Variants in FAAH2 observed in about 807,000 individuals in gnomAD.
FAAH2 encodes the protein fatty acid amide hydrolase 2, also known as fatty-acid amide hydrolase 2.
Under a neutral mutation model 36.9 loss-of-function variants are expected in FAAH2, and 60 were observed. The ratio of observed to expected loss-of-function variants is 1.63; its 90% CI spans 1.32 to 2.02. FAAH2 has a LOEUF of 2.02. Among genes scored for constraint, FAAH2 ranks in the 30% most tolerant of loss-of-function variants. The probability of loss-of-function intolerance (pLI) is 0.00; values close to 1 mark genes in which losing one functional copy is unlikely to be tolerated. For synonymous variants in FAAH2, 214 were observed against 143.8 expected (o/e 1.49, Z -3.49); for missense variants, 689 against 397.5 (o/e 1.73, Z -6.23).
chrX:57,126,038 A>G, the FAAH2 span, among the ~76,000 whole-genome samples: 6 of 112,466 alleles, frequency 5.3e-5, no homozygotes, highest in Admixed American at 9.4e-5. Flanking sequence ...AATCTCTGAA[A>G]TATGTTTAAA....
chrX:57,440,117 G>C (rs1205671038), intron 8 of FAAH2, among the ~76,000 whole-genome samples: 1 of 111,397 alleles, frequency 9.0e-6, no homozygotes, highest in Admixed American at 9.6e-5. Context: ...ACTTAGAGTA[G>C]TTTTTTCCAG....
intron 5 of FAAH2, among the ~76,000 whole-genome samples, chrX:57,349,482 TATATATACACATATATAC>T (rs901565258): frequency 3.9e-5 from 4 of 101,652 alleles, no homozygotes; most frequent in Non-Finnish European, 5.9e-5. Context: ...TATATACACA[TATATATACACATATATAC>T]ATATATACAC....
chrX:57,272,499 C>T, the FAAH2 span, among the ~76,000 whole-genome samples: 1 of 111,521 alleles, frequency 9.0e-6, no homozygotes, highest in Non-Finnish European at 1.9e-5. Context: ...TTAAGGGCAG[C>T]CAGAGAAAAA....
intron 7 of FAAH2, among the ~76,000 whole-genome samples, chrX:57,426,399 G>A (rs1602624115): frequency 1.8e-5 from 2 of 111,780 alleles, no homozygotes; most frequent in East Asian, 5.6e-4. Context: ...CTGGACGTTA[G>A]ACCAAGTAGA....
the FAAH2 span, among the ~76,000 whole-genome samples, chrX:57,280,294 T>G: frequency 2.7e-5 from 3 of 110,882 alleles, no homozygotes; most frequent in Non-Finnish European, 5.7e-5. Context: ...AAAACAGTCT[T>G]TAATAGAAGA....
intron 7 of FAAH2, among the ~76,000 whole-genome samples, chrX:57,425,276 C>T (rs1295209794): frequency 9.0e-6 from 1 of 111,603 alleles, no homozygotes; most frequent in Non-Finnish European, 1.9e-5. Flanking sequence ...ATAAAAAACA[C>T]AACAAGATTG....
At chrX:57,238,006 G>A in the FAAH2 span, among the ~76,000 whole-genome samples, 12 of 111,584 alleles carry the variant, frequency 1.1e-4, no homozygotes, top group Admixed American at 7.6e-4. Context: ...AGCAGGTATT[G>A]GCAAGGTTTT....
chrX:57,350,451 A>G (rs1402843458), intron 5 of FAAH2, among the ~76,000 whole-genome samples: 2 of 110,442 alleles, frequency 1.8e-5, no homozygotes, highest in Non-Finnish European at 3.8e-5. Flanking sequence ...TGGGAAAAAA[A>G]ATAACTTATG....
chrX:57,482,658 A>G (rs2147282054), intron 10 of FAAH2, among the ~76,000 whole-genome samples: 1 of 105,487 alleles, frequency 9.5e-6, no homozygotes, highest in Non-Finnish European at 1.9e-5. Flanking sequence ...TCTCAATGGG[A>G]GCTGCAGACC....
intron 5 of FAAH2, among the ~76,000 whole-genome samples, chrX:57,373,489 AT>A (rs766935280): frequency 5.5e-5 from 6 of 109,596 alleles, no homozygotes; most frequent in African/African-American, 9.9e-5. Flanking sequence ...GAAATTGAGC[AT>A]TTTTTTCATA....
At chrX:57,330,807 C>T (rs918834466) in intron 3 of FAAH2, among the ~76,000 whole-genome samples, 5 of 111,011 alleles carry the variant, frequency 4.5e-5, no homozygotes, top group Non-Finnish European at 9.4e-5. Flanking sequence ...GGCAGGTTCC[C>T]CAATAGGAGG....
At chrX:57,152,241 G>A in the FAAH2 span, among the ~76,000 whole-genome samples, 1 of 112,350 alleles carries the variant, frequency 8.9e-6, no homozygotes, top group Admixed American at 9.4e-5. Context: ...CAGGCCGTCT[G>A]CCAGTCCTCA....
chrX:57,467,168 C>A (rs2057065637), intron 10 of FAAH2, among the ~76,000 whole-genome samples: 1 of 111,442 alleles, frequency 9.0e-6, no homozygotes, highest in African/African-American at 3.3e-5. Flanking sequence ...CAGCTCCCAG[C>A]ATGAGCGACG....
At chrX:57,425,801 C>A (rs1251131381) in intron 7 of FAAH2, among the ~76,000 whole-genome samples, 3 of 111,082 alleles carry the variant, frequency 2.7e-5, no homozygotes, top group African/African-American at 6.5e-5. Context: ...TACGAAAAAA[C>A]TAGATAACAA....
At chrX:57,197,857 G>T in the FAAH2 span, among the ~76,000 whole-genome samples, 16 of 112,298 alleles carry the variant, frequency 1.4e-4, no homozygotes, top group East Asian at 4.2e-3. Flanking sequence ...GATGCTGGTT[G>T]TGCTAGCAGT....
chrX:57,338,316 G>A (rs773121676), intron 4 of FAAH2, among the ~76,000 whole-genome samples: 22 of 111,537 alleles, frequency 2.0e-4, no homozygotes, highest in African/African-American at 6.8e-4. Context: ...ACCAGGAAAA[G>A]GACTTTCACA....
At chrX:57,409,670 G>T (rs991480131) in intron 7 of FAAH2, among the ~76,000 whole-genome samples, 31 of 110,570 alleles carry the variant, frequency 2.8e-4, no homozygotes, top group African/African-American at 9.8e-4. Flanking sequence ...TTTCTTATAG[G>T]TTATCCAATC....
intron 7 of FAAH2, among the ~76,000 whole-genome samples, chrX:57,419,985 C>G (rs201533988): frequency 9.0e-6 from 1 of 111,468 alleles, no homozygotes; most frequent in Non-Finnish European, 1.9e-5. Context: ...AATCCTTTCC[C>G]CATTTCTGGT....
intron 7 of FAAH2, among the ~76,000 whole-genome samples, chrX:57,397,402 T>A (rs958676176): frequency 2.7e-5 from 3 of 112,244 alleles, no homozygotes; most frequent in African/African-American, 9.7e-5. Context: ...TTTTATGATG[T>A]CAGTGTCATT....
Sources: allele counts gnomAD v4.1 joint callset (sites outside exome capture counted in the v4.1 genomes callset), GRCh38; gene constraint gnomAD v4.1.1; transcripts MANE v1.5; gene names NCBI Gene and HGNC (gene_info 2026-07-23, HGNC 2026-07-21).